The following TMPRSS7 variants were observed in gnomAD, a reference collection of about 807,000 sequenced individuals.
TMPRSS7 encodes transmembrane serine protease 7, also known as transmembrane protease serine 7.
A neutral mutation model predicts 95.6 loss-of-function variants in TMPRSS7; 81 were observed. The ratio of observed to expected loss-of-function variants is 0.85; its 90% CI spans 0.71 to 1.02. The LOEUF (loss-of-function observed/expected upper bound fraction) is 1.02, where lower values mean the gene tolerates loss of function less well. Ranked by LOEUF, TMPRSS7 falls within the 50% of genes least tolerant of loss-of-function variation. The probability of loss-of-function intolerance (pLI) is 0.00; values close to 1 mark genes in which losing one functional copy is unlikely to be tolerated. For missense variants in TMPRSS7, 945 were observed against 955.2 expected (o/e 0.99, Z 0.14); for synonymous variants, 364 against 337.8 (o/e 1.08, Z -0.85).
rs570538846 is a variant in TMPRSS7, at chr3:112,060,385, T to G, written c.1311-1402T>G. On this transcript the variant is annotated intron_variant, in intron 10 of 17. Coordinates refer to ENST00000452346, the Ensembl canonical transcript of TMPRSS7. ...GGGAATTTCCTCGTCCTAATAAGCC[T>G]GGGAGCACTAAGGGAGACTGGGGCT... Among the ~76,000 whole-genome samples the G allele has an allele frequency of 5.9e-5, 9 of 152,286 alleles. No individual in the cohort carries two copies. The East Asian group carries it at 1.7e-3, about 29-fold the overall frequency.
intron 7 of TMPRSS7, 34 bp downstream of exon 7, chr3:112,048,001 A>T (rs764392704): frequency 6.3e-7 from 1 of 1,584,446 alleles, no homozygotes; most frequent in East Asian, 2.2e-5. Context: ...GTGGGTAAAA[A>T]TATTTTTCAC....
chr3:112,047,792 C>A, exon 7 of TMPRSS7: 1 of 1,614,112 alleles, frequency 6.2e-7, no homozygotes, highest in Non-Finnish European at 8.5e-7. Context: ...CCACTACCCG[C>A]TGGAGATTTC....
exon 9 of TMPRSS7, chr3:112,050,749 A>C (rs2073337591): frequency 6.2e-7 from 1 of 1,601,080 alleles, no homozygotes; most frequent in Admixed American, 1.7e-5. Context: ...CCGAGCTACT[A>C]TCCTCCAAAA....
At chr3:112,067,163 C>A (rs144044755) in intron 13 of TMPRSS7, among the ~76,000 whole-genome samples, 2,583 of 152,272 alleles carry the variant, frequency 0.017, 34 homozygotes, top group Middle Eastern at 0.068. Flanking sequence ...ATGAACTCAT[C>A]CTTTTTTATG....
Position 112,047,736 on chromosome 3 carries a change from C to G in TMPRSS7, c.731-3C>G. The G allele has an allele frequency of 6.2e-7, 1 of 1,603,332 alleles. No individual in the cohort carries two copies. The highest frequency in any genetic ancestry group is 8.5e-7 in the Non-Finnish European group (1 of 1,171,422). On this transcript the variant is annotated splice_polypyrimidine_tract_variant and splice_region_variant and intron_variant, in intron 6 of 17. Transcript: ENST00000452346. ...ATAAAGGAAAATGGTGCTGTCTCCA[C>G]AGACAAAGGCTGCTCTCAGTACTTC...
exon 7 of TMPRSS7, chr3:112,047,936 C>T: frequency 6.2e-7 from 1 of 1,614,110 alleles, no homozygotes; most frequent in African/African-American, 1.3e-5. Flanking sequence ...TTACGACTCC[C>T]TTTTGCCCAT....
At chr3:112,076,263 A>G (rs1176860540) in intron 15 of TMPRSS7, among the ~76,000 whole-genome samples, 1 of 152,152 alleles carries the variant, frequency 6.6e-6, no homozygotes, top group African/African-American at 2.4e-5. Context: ...CATGGAGATT[A>G]CAAGTTCTTC....
chr3:112,054,856 C>T (rs1462243869), intron 9 of TMPRSS7, among the ~76,000 whole-genome samples: 6 of 150,910 alleles, frequency 4.0e-5, no homozygotes, highest in African/African-American at 1.5e-4. Flanking sequence ...TCTCCTGCCT[C>T]AGCCTCCCGA....
At chr3:112,051,387 T>C (rs970551909) in intron 9 of TMPRSS7, among the ~76,000 whole-genome samples, 3 of 152,168 alleles carry the variant, frequency 2.0e-5, no homozygotes, top group Non-Finnish European at 4.4e-5. Flanking sequence ...CAATTTTATA[T>C]AATATACTTC....
intron 12 of TMPRSS7, among the ~76,000 whole-genome samples, chr3:112,065,836 T>G (rs1158910394): frequency 6.6e-6 from 1 of 152,248 alleles, no homozygotes; most frequent in Non-Finnish European, 1.5e-5. Flanking sequence ...TAGATTTACA[T>G]TAATATTTCC....
intron 4 of TMPRSS7, among the ~76,000 whole-genome samples, chr3:112,044,774 G>T (rs1313977251): frequency 2.8e-5 from 4 of 142,110 alleles, no homozygotes; most frequent in African/African-American, 1.0e-4. Flanking sequence ...CAATATATCT[G>T]CAGAGATTCA....
At chr3:112,044,045 TAGC>T (rs2073245207) in intron 3 of TMPRSS7, among the ~76,000 whole-genome samples, 1 of 152,224 alleles carries the variant, frequency 6.6e-6, no homozygotes, top group South Asian at 2.1e-4. Flanking sequence ...TTTTCACAGA[TAGC>T]AGAATGAAAG....
chr3:112,047,040 C>A (rs1328915090), intron 6 of TMPRSS7, 28 bp downstream of exon 6: 1 of 701,186 alleles, frequency 1.4e-6, no homozygotes, highest in Non-Finnish European at 2.6e-6. Context: ...GTTCCCCCTC[C>A]CCCCATGTTA....
intron 2 of TMPRSS7, 61 bp from the exon 3 acceptor site, chr3:112,041,859 C>A: frequency 8.9e-7 from 1 of 1,128,842 alleles, no homozygotes; most frequent in Non-Finnish European, 1.3e-6. Context: ...ATAGCTCAGA[C>A]AATTCCTTAC....
chr3:112,047,341 T>C (rs1185645642), intron 6 of TMPRSS7: 1 of 591,720 alleles, frequency 1.7e-6, no homozygotes, highest in Non-Finnish European at 3.2e-6. Context: ...AGATCCAAAC[T>C]TATAATTTAT....
At chr3:112,051,693 A>ATCTATCTATCTATCTG (rs1559955992) in intron 9 of TMPRSS7, among the ~76,000 whole-genome samples, 1 of 144,608 alleles carries the variant, frequency 6.9e-6, no homozygotes, top group African/African-American at 2.6e-5. Flanking sequence ...CTATCTATCT[A>ATCTATCTATCTATCTG]TCTCTATTAC....
intron 9 of TMPRSS7, 121 bp from the exon 10 acceptor site, chr3:112,056,904 T>A: frequency 4.9e-6 from 3 of 614,310 alleles, no homozygotes; most frequent in Admixed American, 3.0e-5. Context: ...GGAGAACTGG[T>A]TTACCCCACT....
At chr3:112,072,869 T>C (rs1576121576) in intron 13 of TMPRSS7, among the ~76,000 whole-genome samples, 1 of 152,250 alleles carries the variant, frequency 6.6e-6, no homozygotes, top group Non-Finnish European at 1.5e-5. Flanking sequence ...AGTGCTGCAA[T>C]AGACATACGT....
chr3:112,061,104 G>A (rs759042309), intron 10 of TMPRSS7, among the ~76,000 whole-genome samples: 23 of 152,044 alleles, frequency 1.5e-4, no homozygotes, highest in Admixed American at 5.2e-4. Context: ...TACACAGGGC[G>A]GTGGACTAAC....
Sources: allele counts gnomAD v4.1 joint callset (sites outside exome capture counted in the v4.1 genomes callset), GRCh38; gene constraint gnomAD v4.1.1; transcripts MANE v1.5; gene names NCBI Gene and HGNC (gene_info 2026-07-23, HGNC 2026-07-21).